The following GNA14 variants were observed in gnomAD, a reference collection of about 807,000 sequenced individuals.
GNA14 encodes G protein subunit alpha 14.
In GNA14, 50 loss-of-function variants were observed where a neutral mutation model predicts 42.0. The ratio of observed to expected loss-of-function variants is 1.19; its 90% CI spans 0.95 to 1.51. GNA14 has a LOEUF of 1.51. Ranked by LOEUF, GNA14 falls within the 40% of genes most tolerant of loss-of-function variation. The probability of loss-of-function intolerance (pLI) is 0.00; values close to 1 mark genes in which losing one functional copy is unlikely to be tolerated. For missense variants in GNA14, 473 were observed against 446.2 expected, an observed-to-expected ratio of 1.06 and a Z score of -0.54; for synonymous variants, 173 against 163.1, an observed-to-expected ratio of 1.06 and a Z score of -0.46.
intron 2 of GNA14, among the ~76,000 whole-genome samples, chr9:77,527,307 C>T (rs1331173518): frequency 1.3e-5 from 2 of 152,136 alleles, no homozygotes; most frequent in East Asian, 1.9e-4. Flanking sequence ...ATAAAGGAAT[C>T]ATCTCAGTCA....
chr9:77,646,484 G>A (rs560725347), intron 1 of GNA14, among the ~76,000 whole-genome samples: 1 of 152,238 alleles, frequency 6.6e-6, no homozygotes, highest in Admixed American at 6.5e-5. Flanking sequence ...TAAACCCAGG[G>A]GATAAGGATA....
intron 2 of GNA14, among the ~76,000 whole-genome samples, chr9:77,488,546 T>G (rs1836698961): frequency 6.6e-6 from 1 of 152,064 alleles, no homozygotes; most frequent in Admixed American, 6.5e-5. Context: ...CATCACTCTG[T>G]AGGAGGTACA....
chr9:77,635,769 ACT>A (rs1279601615), intron 1 of GNA14, among the ~76,000 whole-genome samples: 1 of 152,168 alleles, frequency 6.6e-6, no homozygotes, highest in African/African-American at 2.4e-5. Context: ...CAACATGAAG[ACT>A]CAGACTAACT....
chr9:77,433,937 G>A (rs890825997), intron 3 of GNA14, among the ~76,000 whole-genome samples: 1 of 152,146 alleles, frequency 6.6e-6, no homozygotes, highest in Non-Finnish European at 1.5e-5. Context: ...AGATTTTAGC[G>A]CAATTGGACC....
chr9:77,492,476 G>C (rs1201020019), intron 2 of GNA14, among the ~76,000 whole-genome samples: 1 of 151,898 alleles, frequency 6.6e-6, no homozygotes, highest in Non-Finnish European at 1.5e-5. Context: ...AACAAAAAAG[G>C]AGACGTAACA....
At chr9:77,467,083 C>CATGTTCAG (rs1044075510) in intron 2 of GNA14, among the ~76,000 whole-genome samples, 1 of 148,746 alleles carries the variant, frequency 6.7e-6, no homozygotes, top group African/African-American at 2.5e-5. Context: ...AGTTTTGCTC[C>CATGTTCAG]ATGTTCAGCC....
intron 2 of GNA14, among the ~76,000 whole-genome samples, chr9:77,461,858 G>C (rs562300242): frequency 6.6e-6 from 1 of 152,068 alleles, no homozygotes; most frequent in Non-Finnish European, 1.5e-5. Context: ...TATATTGTGT[G>C]CTTTTTAATT....
At chr9:77,527,697 A>G (rs922659137) in intron 2 of GNA14, among the ~76,000 whole-genome samples, 4 of 152,076 alleles carry the variant, frequency 2.6e-5, no homozygotes, top group African/African-American at 9.7e-5. Context: ...GCAATGGTAC[A>G]ATCTTGGCTT....
At chr9:77,614,824 C>T (rs1823784757) in intron 1 of GNA14, among the ~76,000 whole-genome samples, 1 of 152,148 alleles carries the variant, frequency 6.6e-6, no homozygotes. Flanking sequence ...CTAGATTCTC[C>T]CCATGAAGAG....
intron 1 of GNA14, among the ~76,000 whole-genome samples, chr9:77,614,084 T>A (rs1278475719): frequency 6.6e-6 from 1 of 152,212 alleles, no homozygotes; most frequent in Non-Finnish European, 1.5e-5. Context: ...CAATTAAAAC[T>A]TATTTTTCCC....
intron 1 of GNA14, among the ~76,000 whole-genome samples, chr9:77,628,371 G>A (rs1824043931): frequency 6.6e-6 from 1 of 152,068 alleles, no homozygotes; most frequent in Non-Finnish European, 1.5e-5. Context: ...TTTCTTCACA[G>A]AATTAGAAAA....
At chr9:77,448,644 A>C (rs1386976745) in intron 2 of GNA14, among the ~76,000 whole-genome samples, 1 of 152,198 alleles carries the variant, frequency 6.6e-6, no homozygotes, top group Non-Finnish European at 1.5e-5. Context: ...AATGCATACA[A>C]GTAGCGTACT....
chr9:77,581,081 A>C (rs1815584242), intron 1 of GNA14, among the ~76,000 whole-genome samples: 1 of 151,820 alleles, frequency 6.6e-6, no homozygotes, highest in Non-Finnish European at 1.5e-5. Flanking sequence ...TTGAATTATA[A>C]ATGACTTGGT....
intron 2 of GNA14, among the ~76,000 whole-genome samples, chr9:77,474,756 C>A (rs1836390105): frequency 6.6e-6 from 1 of 152,120 alleles, no homozygotes; most frequent in Non-Finnish European, 1.5e-5. Context: ...AATACCCATA[C>A]TGATGTATGG....
intron 2 of GNA14, among the ~76,000 whole-genome samples, chr9:77,483,222 A>G (rs1355626159): frequency 1.3e-5 from 2 of 151,970 alleles, no homozygotes; most frequent in African/African-American, 4.8e-5. Context: ...TGACGTACAG[A>G]TGGGTTTTTG....
At chr9:77,518,114 C>T (rs1173746295) in intron 2 of GNA14, 3 of 152,004 alleles carry the variant, frequency 2.0e-5, no homozygotes, top group Non-Finnish European at 4.4e-5. Context: ...GTTACTCACA[C>T]GTTTAAATTT....
Position 77,518,882 on chromosome 9 carries a change from A to T in GNA14, c.309+10187T>A, listed in dbSNP as rs535620905. Among the ~76,000 whole-genome samples the T allele has an allele frequency of 2.0e-5, 3 of 152,292 alleles. No homozygotes were observed. In the South Asian group the frequency reaches 6.2e-4, roughly 32 times the overall value. Reference sequence around the variant, plus strand: ...GAAAGTGCCATTATTTTAAAATTTGATTTAGATAAAATACGCAGTTAAACA... The same window carrying T: ...GAAAGTGCCATTATTTTAAAATTTGTTTTAGATAAAATACGCAGTTAAACA... On this transcript the variant is annotated intron_variant, in intron 2 of 6. Coordinates refer to ENST00000341700, the MANE Select transcript of GNA14 (RefSeq NM_004297.4).
At chr9:77,506,627 AGATC>A (rs1216926973) in intron 2 of GNA14, among the ~76,000 whole-genome samples, 1 of 152,150 alleles carries the variant, frequency 6.6e-6, no homozygotes, top group African/African-American at 2.4e-5. Flanking sequence ...CAGTGAGCCG[AGATC>A]AGGCCACTAC....
At chr9:77,426,010 GA>G (rs778686953) in intron 5 of GNA14, among the ~76,000 whole-genome samples, 48 of 152,200 alleles carry the variant, frequency 3.2e-4, no homozygotes, top group Non-Finnish European at 5.6e-4. Flanking sequence ...GTGCAGCTTG[GA>G]AAAGGAAGGT....
Sources: allele counts gnomAD v4.1 joint callset (sites outside exome capture counted in the v4.1 genomes callset), GRCh38; gene constraint gnomAD v4.1.1; transcripts MANE v1.5; gene names NCBI Gene and HGNC (gene_info 2026-07-23, HGNC 2026-07-21).